The following PCDHGB1 variants were observed in gnomAD, a reference collection of about 807,000 sequenced individuals.
The protein encoded by PCDHGB1 is protocadherin gamma subfamily B, 1, also known as protocadherin gamma-B1.
In PCDHGB1, 34 loss-of-function variants were observed where a neutral mutation model predicts 56.6. The ratio of observed to expected loss-of-function variants is 0.60; its 90% CI spans 0.46 to 0.80. The LOEUF is 0.80. Among genes scored for constraint, PCDHGB1 ranks in the 30% least tolerant of loss-of-function variants. The pLI, the probability that PCDHGB1 is intolerant of heterozygous loss-of-function variation, is 0.00. For synonymous variants in PCDHGB1, 561 were observed against 505.9 expected (o/e 1.11, Z -1.46); for missense variants, 1,278 against 1,204.6 (o/e 1.06, Z -0.90).
At position 141,356,877 on chromosome 5, in the gene PCDHGB1, C is replaced by G. The variant is rs1285670613; in HGVS notation, c.2409+4208C>G. ...TTGTGCTGGACCAGAACGACAATGTCCCTGAGATCCTGTACCCCACCTTCC... is the reference window on the plus strand; with the variant it reads ...TTGTGCTGGACCAGAACGACAATGTGCCTGAGATCCTGTACCCCACCTTCC... On this transcript the variant is annotated intron_variant, in intron 1 of 3. Transcript: ENST00000523390. 2.5e-6 allele frequency: 4 copies of G among 1,614,196 alleles called. No homozygotes were observed. In the South Asian group the frequency reaches 4.4e-5, roughly 18 times the overall value.
intron 1 of PCDHGB1, chr5:141,404,067 A>G (rs540954192): frequency 3.7e-6 from 6 of 1,613,894 alleles, no homozygotes; most frequent in South Asian, 2.2e-5. Context: ...TTCAATGCTC[A>G]TGACCGAGAC....
At chr5:141,503,474 T>C (rs2099820145) in intron 2 of PCDHGB1, among the ~76,000 whole-genome samples, 1 of 151,828 alleles carries the variant, frequency 6.6e-6, no homozygotes, top group South Asian at 2.1e-4. Context: ...ATGTGTGCAC[T>C]TGTCGTCCCA....
rs779735897 is a variant in PCDHGB1 at position 141,422,336 on chromosome 5, TA to T, written c.2409+69670del. 34 of 1,550,032 alleles carry T rather than the reference TA, an allele frequency of 2.2e-5. No individual in the cohort carries two copies. The East Asian group carries it at 7.2e-4, about 33-fold the overall frequency. On this transcript the variant is annotated intron_variant, in intron 1 of 3. Coordinates refer to ENST00000523390, the MANE Select transcript of PCDHGB1 (RefSeq NM_018922.3). ...CCTCCAGGTACAGTGATTGCTCTTC[TA>T]AATGTGCAAGATCAAGATTCTGGAG... is the stretch of plus-strand genomic sequence containing the variant.
In PCDHGB1 at chr5:141,476,789, T is replaced by A. The variant is rs762462741; in HGVS notation, c.2410-18018T>A. On this transcript the variant is annotated intron_variant, in intron 1 of 3. Coordinates refer to ENST00000523390, the MANE Select transcript of PCDHGB1 (RefSeq NM_018922.3). The surrounding 1 kb of genome is among the most constrained non-coding windows in gnomAD (Gnocchi z 7.6). ...GTTGGACGGAGGGACCCCAGCTCTCTCCGCCAGCCTGCCTATTCACATCAA... is the reference window on the plus strand; with the variant it reads ...GTTGGACGGAGGGACCCCAGCTCTCACCGCCAGCCTGCCTATTCACATCAA... 1.3e-5 allele frequency: 21 copies of A among 1,613,374 alleles called. No individual in the cohort carries two copies. Among genetic ancestry groups the A allele is most frequent in the Non-Finnish European group, 1.7e-5 (20 of 1,180,016 alleles).
chr5:141,419,647 G>C (rs370948584), intron 1 of PCDHGB1: 6 of 1,612,592 alleles, frequency 3.7e-6, no homozygotes, highest in Non-Finnish European at 5.1e-6. Context: ...CCGTGGACGC[G>C]GACTCGGGGC....
At chr5:141,374,621 G>A (rs1261974648) in intron 1 of PCDHGB1, 1 of 1,613,482 alleles carries the variant, frequency 6.2e-7, no homozygotes, top group Non-Finnish European at 8.5e-7. Flanking sequence ...TCACTTCTCA[G>A]TGGACGTGCA....
chr5:141,384,090 A>C (rs765649529), intron 1 of PCDHGB1: 1 of 1,596,410 alleles, frequency 6.3e-7, no homozygotes, highest in South Asian at 1.1e-5. Context: ...TAGAAAAATC[A>C]ATAGATAATT....
chr5:141,361,411 G>C, intron 1 of PCDHGB1: 2 of 1,613,998 alleles, frequency 1.2e-6, no homozygotes, highest in South Asian at 2.2e-5. Flanking sequence ...CACAGCCACC[G>C]ACGGGGGCAA....
intron 1 of PCDHGB1, chr5:141,388,233 T>C (rs924261107): frequency 1.2e-6 from 2 of 1,608,114 alleles, no homozygotes; most frequent in South Asian, 1.1e-5. Flanking sequence ...ACTGAACTTT[T>C]ATCACGTGAA....
At chr5:141,383,567 C>T in intron 1 of PCDHGB1, 1 of 1,613,214 alleles carries the variant, frequency 6.2e-7, no homozygotes, top group Non-Finnish European at 8.5e-7. Context: ...CCGCCCCGAT[C>T]CAGCACCGCC....
chr5:141,494,935 G>A, intron 2 of PCDHGB1, 70 bp downstream of exon 2: 1 of 1,612,482 alleles, frequency 6.2e-7, no homozygotes, highest in Non-Finnish European at 8.5e-7. Flanking sequence ...GGGAGGAGAT[G>A]GGGGAGGGCC....
intron 1 of PCDHGB1, chr5:141,478,899 T>A (rs905349011): frequency 9.7e-7 from 1 of 1,027,124 alleles, no homozygotes; most frequent in African/African-American, 1.6e-5. Context: ...ACATTAGGAA[T>A]AAGCTGCTGG....
intron 1 of PCDHGB1, among the ~76,000 whole-genome samples, chr5:141,433,395 CTATCTA>C (rs1561869588): frequency 2.0e-5 from 3 of 150,654 alleles, no homozygotes; most frequent in African/African-American, 7.3e-5. Flanking sequence ...ATCTATCTAT[CTATCTA>C]TCTATTACTT....
At position 141,511,106 on chromosome 5, in the gene PCDHGB1, G is replaced by T. The variant is rs536900646; in HGVS notation, c.2717G>T (p.Arg906Leu). ...NATLTNAAGK[R>L]DGKAPAGGNG... is the part of the protein sequence containing the mutation. Reference sequence around the variant, plus strand: ...ACACTGACCAACGCAGCTGGCAAGCGGGATGGCAAGGCCCCAGCAGGTGGC... The same window carrying T: ...ACACTGACCAACGCAGCTGGCAAGCTGGATGGCAAGGCCCCAGCAGGTGGC... Residue 906 changes from arginine to leucine, a missense_variant, in exon 4 of 4, where the codon CGG becomes CTG. Transcript: ENST00000523390. 8.7e-6 allele frequency: 14 copies of T among 1,614,196 alleles called. No individual in the cohort carries two copies. Among genetic ancestry groups the T allele is most frequent in the Non-Finnish European group, 1.2e-5 (14 of 1,180,016 alleles).
intron 1 of PCDHGB1, chr5:141,419,942 G>A: frequency 6.2e-7 from 1 of 1,614,070 alleles, no homozygotes. Context: ...CCTGGTGGTG[G>A]CCTTGGCCTT....
At chr5:141,423,745 C>A (rs561499055) in intron 1 of PCDHGB1, 2 of 605,688 alleles carry the variant, frequency 3.3e-6, no homozygotes, top group Non-Finnish European at 4.0e-6. Context: ...GTTATGAAAA[C>A]TGTTTGGGGG....
intron 1 of PCDHGB1, chr5:141,397,962 A>T: frequency 1.9e-6 from 2 of 1,037,030 alleles, no homozygotes; most frequent in Admixed American, 2.9e-5. Context: ...CCCAGCTCAG[A>T]CTCCCCAGCG....
At position 141,410,612 on chromosome 5, in the gene PCDHGB1, C is replaced by CT. The variant is rs748943892; in HGVS notation, c.2409+57944dup. The CT allele has an allele frequency of 5.6e-6, 9 of 1,605,878 alleles. 1 individual carries two copies. The South Asian group carries it at 9.9e-5, about 18-fold the overall frequency. On this transcript the variant is annotated intron_variant, in intron 1 of 3. Transcript: ENST00000523390. ...GGATTTGACTTCACATCCTGAGACT[C>CT]TGACTTCGGTGAGTTTCTCTTTTTT...
chr5:141,381,693 G>A (rs1777359039), intron 1 of PCDHGB1, among the ~76,000 whole-genome samples: 1 of 152,096 alleles, frequency 6.6e-6, no homozygotes, highest in African/African-American at 2.4e-5. Context: ...GACAAACAAC[G>A]ATTTCTTTCT....
Sources: allele counts gnomAD v4.1 joint callset (sites outside exome capture counted in the v4.1 genomes callset), GRCh38; gene constraint gnomAD v4.1.1; non-coding constraint Gnocchi (gnomAD v3.1); transcripts MANE v1.5; gene names NCBI Gene and HGNC (gene_info 2026-07-23, HGNC 2026-07-21).